The following PXT1 variants were observed in gnomAD, a reference collection of about 807,000 sequenced individuals.
The protein encoded by PXT1 is peroxisomal testis-specific protein 1.
Under a neutral mutation model 11.0 loss-of-function variants are expected in PXT1, and 11 were observed. The ratio of observed to expected loss-of-function variants is 1.00; its 90% CI spans 0.63 to 1.66. The LOEUF is 1.66. PXT1 is among the 40% of genes most tolerant of loss of function. The probability of loss-of-function intolerance (pLI) is 0.00; values close to 1 mark genes in which losing one functional copy is unlikely to be tolerated. For synonymous variants in PXT1, 43 were observed against 51.4 expected (o/e 0.84, Z 0.70); for missense variants, 141 against 155.5 (o/e 0.91, Z 0.49).
intron 4 of PXT1, among the ~76,000 whole-genome samples, chr6:36,395,086 A>G (rs965384623): frequency 6.6e-6 from 1 of 152,074 alleles, no homozygotes; most frequent in Admixed American, 6.6e-5. Flanking sequence ...CAGCCTCCCA[A>G]CGTGCTGGGA....
chr6:36,440,587 AAAG>A (rs1454796817), intron 1 of PXT1, among the ~76,000 whole-genome samples: 7 of 152,182 alleles, frequency 4.6e-5, no homozygotes, highest in East Asian at 1.9e-4. Context: ...AAAAAAAAAA[AAAG>A]AAGAAGGTTT....
At chr6:36,408,507 C>T (rs1388417773) in intron 3 of PXT1, among the ~76,000 whole-genome samples, 1 of 151,704 alleles carries the variant, frequency 6.6e-6, no homozygotes, top group Non-Finnish European at 1.5e-5. Context: ...GATCCTCCCT[C>T]GTTAGCCTCT....
At chr6:36,392,645 A>C (rs1378097532) in intron 4 of PXT1, among the ~76,000 whole-genome samples, 1 of 152,182 alleles carries the variant, frequency 6.6e-6, no homozygotes, top group Admixed American at 6.5e-5. Flanking sequence ...TGGGCAACAG[A>C]GGGAGATCCT....
At position 36,400,489 on chromosome 6, in the gene PXT1, T is replaced by C; in HGVS notation, c.265A>G (p.Ile89Val). 1 of 1,614,004 alleles carries C rather than the reference T, an allele frequency of 6.2e-7. No individual in the cohort carries two copies. The highest frequency in any genetic ancestry group is 8.5e-7 in the Non-Finnish European group (1 of 1,179,892). ...ATCCTATGATCAATGTTGTCCCCAA[T>C]GTGTCTCAGCTGCATGGCCAACTTG... ...IHKLAMQLRH[I>V]GDNIDHRMVR... Residue 89 changes from isoleucine to valine, a missense_variant, in exon 4 of 5, where the codon ATT becomes GTT. By Grantham distance (29) the Ile-to-Val change is conservative. Coordinates refer to ENST00000454782, the MANE Select transcript of PXT1 (RefSeq NM_152990.4).
chr6:36,437,514 GT>G (rs34332467), intron 2 of PXT1, among the ~76,000 whole-genome samples: 112,323 of 120,120 alleles, frequency 0.94, 52,509 homozygotes, highest in South Asian at 0.98. Context: ...TTTTGTGTGG[GT>G]TTTTTTTTTT....
chr6:36,397,273 T>C (rs1180160367), intron 4 of PXT1, among the ~76,000 whole-genome samples: 4 of 152,082 alleles, frequency 2.6e-5, no homozygotes, highest in African/African-American at 9.7e-5. Flanking sequence ...AGGGAAACAA[T>C]AGTCTTTTCA....
At chr6:36,400,019 C>G (rs1774191957) in intron 4 of PXT1, among the ~76,000 whole-genome samples, 1 of 152,132 alleles carries the variant, frequency 6.6e-6, no homozygotes, top group Non-Finnish European at 1.5e-5. Flanking sequence ...CAGAATTTCT[C>G]CAGGTTGGGC....
At chr6:36,403,740 A>G (rs919805701) in intron 3 of PXT1, among the ~76,000 whole-genome samples, 32 of 152,088 alleles carry the variant, frequency 2.1e-4, no homozygotes, top group Non-Finnish European at 3.4e-4. Context: ...ATGGTGGTAC[A>G]TGCCTGTGGT....
chr6:36,434,600 T>C (rs1004347622), intron 2 of PXT1, among the ~76,000 whole-genome samples: 20 of 152,160 alleles, frequency 1.3e-4, no homozygotes, highest in African/African-American at 4.8e-4. Flanking sequence ...GATGAAATAG[T>C]TGGGTGTATA....
At chr6:36,417,442 T>C (rs1774464698) in intron 3 of PXT1, among the ~76,000 whole-genome samples, 1 of 151,290 alleles carries the variant, frequency 6.6e-6, no homozygotes, top group South Asian at 2.1e-4. Flanking sequence ...CAATGAATGA[T>C]ATGAGTTTGA....
intron 3 of PXT1, among the ~76,000 whole-genome samples, chr6:36,406,972 A>G (rs1774300571): frequency 6.6e-6 from 1 of 152,190 alleles, no homozygotes; most frequent in East Asian, 1.9e-4. Context: ...AGCTAAACAA[A>G]TAATCTTAAA....
intron 1 of PXT1, among the ~76,000 whole-genome samples, chr6:36,441,117 A>G (rs1345087344): frequency 6.6e-6 from 1 of 151,926 alleles, no homozygotes; most frequent in African/African-American, 2.4e-5. Context: ...AAAAGAAAAA[A>G]AAAAAAAAAA....
intron 4 of PXT1, among the ~76,000 whole-genome samples, chr6:36,394,417 A>G (rs1190084895): frequency 5.3e-5 from 8 of 152,198 alleles, no homozygotes; most frequent in South Asian, 2.1e-4. Flanking sequence ...GAAATTCCCT[A>G]TGCATTATGA....
At chr6:36,402,408 C>T (rs1561925771) in intron 3 of PXT1, among the ~76,000 whole-genome samples, 1 of 152,180 alleles carries the variant, frequency 6.6e-6, no homozygotes, top group Non-Finnish European at 1.5e-5. Flanking sequence ...GAACCTATTT[C>T]ATTTCAATAA....
chr6:36,406,005 C>T (rs1455319889), intron 3 of PXT1, among the ~76,000 whole-genome samples: 1 of 152,192 alleles, frequency 6.6e-6, no homozygotes, highest in South Asian at 2.1e-4. Flanking sequence ...CAATGGATTT[C>T]TCAGAACCTG....
intron 3 of PXT1, among the ~76,000 whole-genome samples, chr6:36,402,753 C>T (rs1406160713): frequency 6.6e-6 from 1 of 151,916 alleles, no homozygotes; most frequent in African/African-American, 2.4e-5. Flanking sequence ...AAGGGAGGGA[C>T]ATAGGAGACA....
intron 3 of PXT1, among the ~76,000 whole-genome samples, chr6:36,415,092 T>C (rs530325126): frequency 1.3e-5 from 2 of 152,312 alleles, no homozygotes; most frequent in African/African-American, 4.8e-5. Flanking sequence ...TTAGCAGGCC[T>C]ACAAATCAAT....
chr6:36,413,711 G>C (rs1440374171), intron 3 of PXT1, among the ~76,000 whole-genome samples: 1 of 151,760 alleles, frequency 6.6e-6, no homozygotes, highest in Admixed American at 6.6e-5. Flanking sequence ...TATGTGAGAG[G>C]CGGGGCCAGG....
chr6:36,431,686 G>C (rs1774695591), intron 2 of PXT1, among the ~76,000 whole-genome samples: 1 of 152,200 alleles, frequency 6.6e-6, no homozygotes, highest in African/African-American at 2.4e-5. Flanking sequence ...AGGATCACTT[G>C]AGTCTGGGAG....
Sources: gnomAD v4.1 joint callset for allele counts (sites outside exome capture counted in the v4.1 genomes callset) on GRCh38, gnomAD v4.1.1 for gene constraint, MANE v1.5 for transcripts, NCBI Gene and HGNC (gene_info 2026-07-23, HGNC 2026-07-21) for gene names.